MGMT: variants seen among roughly 807,000 people sequenced by gnomAD.
MGMT encodes the protein O-6-methylguanine-DNA methyltransferase, also known as methylated-DNA--protein-cysteine methyltransferase.
In MGMT, 14 loss-of-function variants were observed where a neutral mutation model predicts 15.9. That is an observed-to-expected ratio of 0.88 (90% CI 0.58 to 1.37). The LOEUF is 1.37. Ranked by LOEUF, MGMT falls within the 40% of genes most tolerant of loss-of-function variation. The pLI is 0.00. For synonymous variants in MGMT, 130 were observed against 118.2 expected (o/e 1.10, Z -0.65); for missense variants, 282 against 268.1 (o/e 1.05, Z -0.36).
At chr10:129,765,510 A>G (rs1436658820) in intron 4 of MGMT, among the ~76,000 whole-genome samples, 1 of 152,214 alleles carries the variant, frequency 6.6e-6, no homozygotes, top group Non-Finnish European at 1.5e-5. Flanking sequence ...TGAGAAATGG[A>G]TAGCAGACCT....
At chr10:129,489,523 G>A (rs1359372921) in intron 1 of MGMT, among the ~76,000 whole-genome samples, 1 of 152,040 alleles carries the variant, frequency 6.6e-6, no homozygotes, top group Admixed American at 6.6e-5. Context: ...TTGGTATTTT[G>A]ATTGACGTCC....
In MGMT at chr10:129,718,559, C is replaced by T. The variant is rs577806055; in HGVS notation, c.274+10516C>T. On this transcript the variant is annotated intron_variant, in intron 3 of 4. Coordinates refer to ENST00000651593, the MANE Select transcript of MGMT (RefSeq NM_002412.5). ...TGTGGCTCTCAGTCACTTACCCCCT[C>T]ACCTTCTCACTTCTCTTCATGGGTC... Among the ~76,000 whole-genome samples the T allele has an allele frequency of 3.9e-5, 6 of 152,340 alleles. No individual in the cohort carries two copies. In the East Asian group the frequency reaches 9.7e-4, roughly 25 times the overall value.
intron 3 of MGMT, among the ~76,000 whole-genome samples, chr10:129,724,422 A>G (rs1385041684): frequency 6.6e-6 from 1 of 152,224 alleles, no homozygotes; most frequent in African/African-American, 2.4e-5. Context: ...GCATGAGGGA[A>G]TGTTCTAGAC....
At chr10:129,683,525 T>A (rs1847875868) in intron 2 of MGMT, among the ~76,000 whole-genome samples, 1 of 150,126 alleles carries the variant, frequency 6.7e-6, no homozygotes, top group Admixed American at 6.8e-5. Flanking sequence ...CCATGAAATA[T>A]GGAAAACTTC....
chr10:129,598,791 A>G (rs992670768), intron 2 of MGMT, among the ~76,000 whole-genome samples: 34 of 152,252 alleles, frequency 2.2e-4, no homozygotes, highest in African/African-American at 8.2e-4. Flanking sequence ...CGACTTGCCC[A>G]CACCCCCTCC....
chr10:129,631,484 A>T (rs1847209090), intron 2 of MGMT, among the ~76,000 whole-genome samples: 1 of 152,208 alleles, frequency 6.6e-6, no homozygotes, highest in South Asian at 2.1e-4. Flanking sequence ...ATTTTTTGAG[A>T]TTATAAAAGG....
rs369688831 is a variant in MGMT at position 129,468,542 on chromosome 10, G to A, written c.-13+1246G>A. Among the ~76,000 whole-genome samples, 60 of 151,950 alleles carry A rather than the reference G, an allele frequency of 3.9e-4. 1 individual carries two copies. The highest frequency in any genetic ancestry group is 1.4e-3 in the African/African-American group (60 of 41,410). On this transcript the variant is annotated intron_variant, in intron 1 of 4. Transcript: ENST00000651593. ...GGGGCCTGGATGAAGTAGACCACCA[G>A]TACGGAGCTATACTCAGGTACTTTT...
At chr10:129,553,413 G>A (rs779240369) in intron 2 of MGMT, among the ~76,000 whole-genome samples, 2 of 152,080 alleles carry the variant, frequency 1.3e-5, no homozygotes, top group African/African-American at 4.8e-5. Flanking sequence ...GCCTTGGAGT[G>A]AGGTGACCCT....
intron 2 of MGMT, among the ~76,000 whole-genome samples, chr10:129,585,718 T>C (rs1214653598): frequency 6.6e-6 from 1 of 152,196 alleles, no homozygotes; most frequent in Non-Finnish European, 1.5e-5. Context: ...TTTTGATCTG[T>C]GGTTGGTTGA....
At chr10:129,687,464 A>C (rs1847917833) in intron 2 of MGMT, among the ~76,000 whole-genome samples, 1 of 152,186 alleles carries the variant, frequency 6.6e-6, no homozygotes, top group Non-Finnish European at 1.5e-5. Context: ...GGGGACCCAG[A>C]AGAGGGTTGC....
intron 3 of MGMT, among the ~76,000 whole-genome samples, chr10:129,747,345 C>G (rs1848705982): frequency 1.3e-5 from 2 of 152,060 alleles, no homozygotes; most frequent in Non-Finnish European, 1.5e-5. Flanking sequence ...ATACAGTTGT[C>G]AGATTGAGGA....
At chr10:129,626,638 G>A (rs1030417922) in intron 2 of MGMT, among the ~76,000 whole-genome samples, 1 of 152,136 alleles carries the variant, frequency 6.6e-6, no homozygotes, top group African/African-American at 2.4e-5. Context: ...GCCCAGGGCC[G>A]TGCTCTCCGT....
chr10:129,591,341 TGTGGTC>T (rs1846683045), intron 2 of MGMT, among the ~76,000 whole-genome samples: 1 of 152,226 alleles, frequency 6.6e-6, no homozygotes, highest in Non-Finnish European at 1.5e-5. Flanking sequence ...CGCCTCAGGC[TGTGGTC>T]CACTCGTGCG....
chr10:129,703,150 T>C (rs1488602638), intron 2 of MGMT, among the ~76,000 whole-genome samples: 1 of 152,210 alleles, frequency 6.6e-6, no homozygotes, highest in African/African-American at 2.4e-5. Flanking sequence ...TGAATAGTTA[T>C]CTAATGCCAA....
chr10:129,590,824 C>A (rs1456605264), intron 2 of MGMT, among the ~76,000 whole-genome samples: 1 of 152,128 alleles, frequency 6.6e-6, no homozygotes, highest in Non-Finnish European at 1.5e-5. Context: ...CGAGGGGGAC[C>A]CCTCGTGAGG....
intron 1 of MGMT, among the ~76,000 whole-genome samples, chr10:129,476,954 G>T (rs537438289): frequency 6.6e-6 from 1 of 152,128 alleles, no homozygotes; most frequent in African/African-American, 2.4e-5. Context: ...AGAGCCAGCC[G>T]CATGGTCCTC....
chr10:129,563,394 G>A (rs1223743577), intron 2 of MGMT, among the ~76,000 whole-genome samples: 1 of 152,140 alleles, frequency 6.6e-6, no homozygotes, highest in Admixed American at 6.5e-5. Flanking sequence ...AGTCTTCTGT[G>A]GTTTCTCTGG....
intron 3 of MGMT, among the ~76,000 whole-genome samples, chr10:129,743,412 C>T (rs1230844651): frequency 6.6e-6 from 1 of 152,204 alleles, no homozygotes; most frequent in Non-Finnish European, 1.5e-5. Context: ...CGTTGGCCGA[C>T]CCTGTTGGGT....
At chr10:129,755,713 C>T (rs1848798379) in intron 3 of MGMT, among the ~76,000 whole-genome samples, 1 of 152,250 alleles carries the variant, frequency 6.6e-6, no homozygotes, top group Admixed American at 6.5e-5. Context: ...CAGAGAGGGC[C>T]AGCTGCCTGG....
Sources: gnomAD v4.1 joint callset for allele counts (sites outside exome capture counted in the v4.1 genomes callset) on GRCh38, gnomAD v4.1.1 for gene constraint, MANE v1.5 for transcripts, NCBI Gene and HGNC (gene_info 2026-07-23, HGNC 2026-07-21) for gene names.